The following ERVV-2 variants were observed in gnomAD, a reference collection of about 807,000 sequenced individuals.
The protein encoded by ERVV-2 is endogenous retrovirus group V member 2 Env polyprotein.
For missense variants in ERVV-2, 291 were observed against 495.1 expected (o/e 0.59, Z 3.91); for synonymous variants, 105 against 184.6 (o/e 0.57, Z 3.49).
At position 53,050,845 on chromosome 19, in the gene ERVV-2, G is replaced by A. The variant is rs2083910598; in HGVS notation, c.1594G>A (p.Glu532Lys). Reference protein sequence around the residue: ...SGQRFRETMEEFSL With the variant: ...SGQRFRETMEKFSL ...GCAAAGATTCCGGGAAACTATGGAGGAATTTTCTCTCTGAGACAGAGCAAG... is the reference window on the plus strand; with the variant it reads ...GCAAAGATTCCGGGAAACTATGGAGAAATTTTCTCTCTGAGACAGAGCAAG... The change falls in exon 2 of 2, where the codon GAA becomes AAA. Residue 532 changes from glutamate to lysine, a missense_variant. Coordinates refer to ENST00000601417, the MANE Select transcript of ERVV-2 (RefSeq NM_001191055.2). 6.5e-7 allele frequency: 1 copy of A among 1,531,142 alleles called. No homozygotes were observed. The highest frequency in any genetic ancestry group is 8.7e-7 in the Non-Finnish European group (1 of 1,145,002). The allele number at this position is 1,531,142 out of a possible 1,614,324, so 94.8% of individuals were successfully genotyped here.
chr19:53,050,378 C>G lies in ERVV-2; in HGVS notation c.1127C>G (p.Ser376Cys). 1.3e-6 allele frequency: 1 copy of G among 750,332 alleles called. No individual in the cohort carries two copies. Among genetic ancestry groups the G allele is most frequent in the Non-Finnish European group, 2.3e-6 (1 of 428,452 alleles). The allele number at this position is 750,332 out of a possible 1,614,324, so 46.5% of individuals were successfully genotyped here. ...SISKLKASID[S>C]LANVVMDNRL... Reference sequence around the variant, plus strand: ...TCTAAACTCAAGGCCTCCATAGATTCTCTAGCAAATGTAGTCATGGACAAC... The same window carrying G: ...TCTAAACTCAAGGCCTCCATAGATTGTCTAGCAAATGTAGTCATGGACAAC... The change falls in exon 2 of 2, where the codon TCT becomes TGT. Residue 376 changes from serine (S) to cysteine (C), a missense_variant. Ser to Cys is a moderately radical substitution (Grantham distance 112). Coordinates refer to ENST00000601417, the MANE Select transcript of ERVV-2 (RefSeq NM_001191055.2).
Position 53,050,549 on chromosome 19 carries a change from T to A in ERVV-2, c.1298T>A (p.Phe433Tyr). The change falls in exon 2 of 2, where the codon TTT (phenylalanine) becomes TAT (tyrosine). Residue 433 changes from phenylalanine (F) to tyrosine (Y), a missense_variant. Physicochemically the swap from Phe to Tyr is conservative, Grantham distance 22. Transcript: ENST00000601417. The stretch of plus-strand genomic sequence containing the variant: ...GATGAGGCTACGTGGCTCCATGACT[T>A]TGGAAAAGGAGGTGCTTCAGCAAGG... ...IYDEATWLHD[F>Y]GKGGASARAI... The A allele has an allele frequency of 1.3e-6, 1 of 773,690 alleles. No homozygotes were observed. The highest frequency in any genetic ancestry group is 2.2e-6 in the Non-Finnish European group (1 of 449,708). 47.9% of individuals were successfully genotyped at this position (773,690 alleles called of 1,614,324 possible).
At chr19:53,045,582 T>A (rs1355793909) in intron 1 of ERVV-2, among the ~76,000 whole-genome samples, 1 of 152,124 alleles carries the variant, frequency 6.6e-6, no homozygotes, top group Admixed American at 6.5e-5. Context: ...ATTACGGGCG[T>A]GAGCCACTGC....
chr19:53,050,801 C>T lies in ERVV-2; in HGVS notation c.1550C>T (p.Ser517Phe), dbSNP rs749429492. ...GGCCCCAGCACCTATAAGCACATCTCCCCCTTGGATGCCAGTGGGCAAAGA... is the reference window on the plus strand; with the variant it reads ...GGCCCCAGCACCTATAAGCACATCTTCCCCTTGGATGCCAGTGGGCAAAGA... Reference protein sequence around the residue: ...IGGPSTYKHISPLDASGQRFR... With the variant: ...IGGPSTYKHIFPLDASGQRFR... Residue 517 changes from serine to phenylalanine, a missense_variant, in exon 2 of 2, where the codon TCC becomes TTC. Coordinates refer to ENST00000601417, the MANE Select transcript of ERVV-2 (RefSeq NM_001191055.2). The T allele has an allele frequency of 2.6e-6, 4 of 1,535,598 alleles. No homozygotes were observed. Among genetic ancestry groups the T allele is most frequent in the Non-Finnish European group, 3.5e-6 (4 of 1,146,832 alleles).
chr19:53,046,449 A>C (rs2083891397), intron 1 of ERVV-2, among the ~76,000 whole-genome samples: 1 of 152,106 alleles, frequency 6.6e-6, no homozygotes, highest in South Asian at 2.1e-4. Context: ...GGGCCACAGG[A>C]GACTGCTTTC....
At chr19:53,048,670 C>A (rs1369249411) in intron 1 of ERVV-2, among the ~76,000 whole-genome samples, 197 bp from the exon 2 acceptor site, 2 of 109,632 alleles carry the variant, frequency 1.8e-5, no homozygotes, top group African/African-American at 8.1e-5. Flanking sequence ...AGCAAAATTC[C>A]ATCTCAAAAA....
chr19:53,046,748 C>A (rs939312148), intron 1 of ERVV-2, among the ~76,000 whole-genome samples: 1 of 152,166 alleles, frequency 6.6e-6, no homozygotes, highest in East Asian at 1.9e-4. Context: ...AGCCCAATAT[C>A]ATTATGTATT....
chr19:53,051,305 C>T lies in ERVV-2; in HGVS notation c.*446C>T, dbSNP rs1186193513. ...GGGACTACAGGCATGTGCCGCCATG[C>T]CCGGCTAATTTTGTATTTTTAGTAG... On this transcript the variant is annotated 3_prime_UTR_variant, in exon 2 of 2. Transcript: ENST00000601417. 6.6e-6 allele frequency among the ~76,000 whole-genome samples: 1 copy of T among 151,878 alleles called. No individual in the cohort carries two copies. The highest frequency in any genetic ancestry group is 1.5e-5 in the Non-Finnish European group (1 of 67,994).
intron 1 of ERVV-2, among the ~76,000 whole-genome samples, chr19:53,047,336 G>T (rs187606320): frequency 6.6e-6 from 1 of 152,204 alleles, no homozygotes; most frequent in Non-Finnish European, 1.5e-5. Flanking sequence ...CAACAAGAGA[G>T]AAACTGTCTC....
chr19:53,045,954 G>T lies in ERVV-2; in HGVS notation c.-386+996G>T, dbSNP rs537535978. Among the ~76,000 whole-genome samples, 25 of 152,250 alleles carry T rather than the reference G, an allele frequency of 1.6e-4. No individual in the cohort carries two copies. In the East Asian group the frequency reaches 4.3e-3, roughly 26 times the overall value. On this transcript the variant is annotated intron_variant, in intron 1 of 1. Transcript: ENST00000601417. ...CTGGAGGGACCGGCACTGGGAGGAT[G>T]CCTGCTTAAAGAAATCCCTCATTTT... is the stretch of plus-strand genomic sequence containing the variant.
intron 1 of ERVV-2, among the ~76,000 whole-genome samples, chr19:53,048,287 T>C (rs112366076): frequency 4.4e-3 from 670 of 152,028 alleles, no homozygotes; most frequent in South Asian, 9.2e-3. Flanking sequence ...GGCAGGAGAA[T>C]CACTTGAACC....
At position 53,050,986 on chromosome 19, in the gene ERVV-2, A is replaced by T; in HGVS notation, c.*127A>T. 2 of 938,878 alleles carry T rather than the reference A, an allele frequency of 2.1e-6. No homozygotes were observed. The highest frequency in any genetic ancestry group is 3.1e-6 in the Non-Finnish European group (2 of 653,212). The allele number at this position is 938,878 out of a possible 1,614,324, so 58.2% of individuals were successfully genotyped here. On this transcript the variant is annotated 3_prime_UTR_variant, in exon 2 of 2. Coordinates refer to ENST00000601417, the MANE Select transcript of ERVV-2 (RefSeq NM_001191055.2). ...GTCTCCATCTCTTGAGGAGGGAAAT[A>T]TTAGGGTAGGCAGGTAGGCAGGCAT...
chr19:53,045,601 C>T (rs2083887994), intron 1 of ERVV-2, among the ~76,000 whole-genome samples: 1 of 152,086 alleles, frequency 6.6e-6, no homozygotes, highest in African/African-American at 2.4e-5. Flanking sequence ...GCGACCGGCG[C>T]ATATCTTTTA....
Position 53,044,823 on chromosome 19 carries a change from G to A in ERVV-2, c.-521G>A, listed in dbSNP as rs555223505. 1 of 152,050 alleles carries A rather than the reference G, an allele frequency of 6.6e-6. No homozygotes were observed. Among genetic ancestry groups the A allele is most frequent in the Non-Finnish European group, 1.5e-5 (1 of 68,026 alleles). 9.4% of individuals were successfully genotyped at this position (152,050 alleles called of 1,614,324 possible). On this transcript the variant is annotated 5_prime_UTR_variant, in exon 1 of 2. Coordinates refer to ENST00000601417, the MANE Select transcript of ERVV-2 (RefSeq NM_001191055.2). The stretch of plus-strand genomic sequence containing the variant: ...GAGCTCCTGTCTCTTTAAATGAAGG[G>A]CATTTACCCTTTAACTCTTTCTGCG...
rs1313109489 is a variant in ERVV-2 at position 53,051,021 on chromosome 19, A to G, written c.*162A>G. ...GCAGGTAGGCAGGCATGAGCAGGCAAGAGAGCCCTTGGGAAAGGAATCTTT... is the reference window on the plus strand; with the variant it reads ...GCAGGTAGGCAGGCATGAGCAGGCAGGAGAGCCCTTGGGAAAGGAATCTTT... On this transcript the variant is annotated 3_prime_UTR_variant, in exon 2 of 2. Transcript: ENST00000601417. The G allele has an allele frequency of 3.4e-5, 22 of 639,108 alleles. No homozygotes were observed. The highest frequency in any genetic ancestry group is 5.7e-5 in the Non-Finnish European group (22 of 388,856). The allele number at this position is 639,108 out of a possible 1,614,324, so 39.6% of individuals were successfully genotyped here.
intron 1 of ERVV-2, among the ~76,000 whole-genome samples, chr19:53,045,461 C>A (rs779655858): frequency 2.6e-5 from 4 of 152,086 alleles, no homozygotes; most frequent in Non-Finnish European, 4.4e-5. Context: ...TGCCACCATG[C>A]CCGGCTAATT....
chr19:53,048,776 C>T (rs746077671), intron 1 of ERVV-2, 91 bp from the exon 2 acceptor site: 3 of 233,588 alleles, frequency 1.3e-5, no homozygotes, highest in Non-Finnish European at 2.5e-5. Context: ...ATTATACCAA[C>T]CAGGGTCAAA....
chr19:53,045,877 T>A (rs1420883539), intron 1 of ERVV-2, among the ~76,000 whole-genome samples: 1 of 152,146 alleles, frequency 6.6e-6, no homozygotes, highest in African/African-American at 2.4e-5. Context: ...GTTTATACTT[T>A]TTTCCTCAGA....
At chr19:53,047,991 C>T (rs375944532) in intron 1 of ERVV-2, among the ~76,000 whole-genome samples, 158 of 152,182 alleles carry the variant, frequency 1.0e-3, no homozygotes, top group Middle Eastern at 3.4e-3. Flanking sequence ...TTCATGATCT[C>T]GTGGGAAAAC....
Sources: allele counts gnomAD v4.1 joint callset (sites outside exome capture counted in the v4.1 genomes callset), GRCh38; gene constraint gnomAD v4.1.1; transcripts MANE v1.5; gene names NCBI Gene and HGNC (gene_info 2026-07-23, HGNC 2026-07-21).